Variants in TMEM132D observed in about 807,000 individuals in gnomAD.
TMEM132D encodes the protein transmembrane protein 132D, also known as mature OL transmembrane protein.
Under a neutral mutation model 62.3 loss-of-function variants are expected in TMEM132D, and 21 were observed. The observed-to-expected ratio is 0.34, with a 90% CI of 0.24 to 0.49. The LOEUF is 0.49. TMEM132D is among the 20% of genes least tolerant of loss of function. The pLI, the probability that TMEM132D is intolerant of heterozygous loss-of-function variation, is 0.99. For missense variants in TMEM132D, 1,346 were observed against 1,402.8 expected (o/e 0.96, Z 0.65); for synonymous variants, 621 against 575.6 (o/e 1.08, Z -1.13).
intron 1 of TMEM132D, among the ~76,000 whole-genome samples, chr12:129,784,577 A>G (rs1036900883): frequency 7.2e-5 from 11 of 152,184 alleles, no homozygotes; most frequent in Non-Finnish European, 1.6e-4. Context: ...TATAAAGCCT[A>G]TATAATTTCC....
intron 8 of TMEM132D, among the ~76,000 whole-genome samples, chr12:129,076,518 C>T (rs1303317868): frequency 6.6e-6 from 1 of 152,186 alleles, no homozygotes; most frequent in East Asian, 1.9e-4. Context: ...TGGCTGGTGG[C>T]CTCTGCTCTT....
chr12:129,280,218 C>T (rs1405760328), intron 4 of TMEM132D, among the ~76,000 whole-genome samples: 5 of 152,256 alleles, frequency 3.3e-5, no homozygotes, highest in Admixed American at 6.5e-5. Context: ...CCATGAGTGC[C>T]ATCTTGTTGA....
chr12:129,893,001 T>G lies in TMEM132D; in HGVS notation c.79+10260A>C, dbSNP rs181728679. Among the ~76,000 whole-genome samples, 280 of 152,234 alleles carry G rather than the reference T, an allele frequency of 1.8e-3. 2 individuals are homozygous for G. The highest frequency in any genetic ancestry group is 6.4e-3 in the African/African-American group (267 of 41,564). ...AAGTGATTCTCCTGCCTCAGCCTTCTGAGTAGCTGGCACTACAGGCACATG... is the reference window on the plus strand; with the variant it reads ...AAGTGATTCTCCTGCCTCAGCCTTCGGAGTAGCTGGCACTACAGGCACATG... On this transcript the variant is annotated intron_variant, in intron 1 of 8. Transcript: ENST00000422113.
intron 2 of TMEM132D, among the ~76,000 whole-genome samples, chr12:129,584,098 G>A (rs1405807974): frequency 6.6e-6 from 1 of 152,020 alleles, no homozygotes; most frequent in South Asian, 2.1e-4. Flanking sequence ...CTAATAAATA[G>A]TTGGTCACAA....
intron 1 of TMEM132D, among the ~76,000 whole-genome samples, chr12:129,755,893 C>T (rs1170991469): frequency 2.6e-5 from 4 of 152,196 alleles, no homozygotes; most frequent in Non-Finnish European, 4.4e-5. Flanking sequence ...CTATCTCCAA[C>T]ACACGTGGGG....
In TMEM132D at chr12:129,460,632, C is replaced by T. The variant is rs559753272; in HGVS notation, c.1115+70427G>A. Among the ~76,000 whole-genome samples the T allele has an allele frequency of 3.3e-5, 5 of 152,064 alleles. No homozygotes were observed. In the East Asian group the frequency reaches 7.7e-4, roughly 23 times the overall value. The stretch of plus-strand genomic sequence containing the variant: ...CTAACTGCATTGGGCATCCAGTTAG[C>T]GCTCAAAAAAATGTTAGCTCCTATT... On this transcript the variant is annotated intron_variant, in intron 3 of 8. Coordinates refer to ENST00000422113, the MANE Select transcript of TMEM132D (RefSeq NM_133448.3).
At position 129,102,360 on chromosome 12, in the gene TMEM132D, G is replaced by T. The variant is rs1002283369; in HGVS notation, c.1444-17658C>A. Among the ~76,000 whole-genome samples, 3 of 150,696 alleles carry T rather than the reference G, an allele frequency of 2.0e-5. No individual in the cohort carries two copies. The East Asian group carries it at 5.8e-4, about 29-fold the overall frequency. ...CACACACATGCATTCACATATGTACGCATGCACACAAGCACATGCAGACAC... is the reference window on the plus strand; with the variant it reads ...CACACACATGCATTCACATATGTACTCATGCACACAAGCACATGCAGACAC... On this transcript the variant is annotated intron_variant, in intron 5 of 8. Transcript: ENST00000422113.
chr12:129,434,787 C>T (rs1042203756), intron 3 of TMEM132D, among the ~76,000 whole-genome samples: 4 of 152,128 alleles, frequency 2.6e-5, no homozygotes, highest in African/African-American at 9.7e-5. Context: ...CCATATCCAT[C>T]ACCCCAAACA....
chr12:129,527,526 G>T (rs973170436), intron 3 of TMEM132D, among the ~76,000 whole-genome samples: 1 of 152,140 alleles, frequency 6.6e-6, no homozygotes, highest in African/African-American at 2.4e-5. Context: ...ATCAAGTCTT[G>T]CTGGAGAACT....
At chr12:129,092,795 C>T (rs1874973019) in intron 5 of TMEM132D, among the ~76,000 whole-genome samples, 2 of 152,192 alleles carry the variant, frequency 1.3e-5, no homozygotes, top group Admixed American at 6.5e-5. Context: ...ATGTCAATAA[C>T]TTCTTCCACT....
intron 1 of TMEM132D, among the ~76,000 whole-genome samples, chr12:129,768,111 T>C (rs980376616): frequency 6.6e-6 from 1 of 152,196 alleles, no homozygotes; most frequent in Non-Finnish European, 1.5e-5. Flanking sequence ...GTGGGAGCTA[T>C]AGTTCATGAA....
chr12:129,891,253 C>G (rs909957206), intron 1 of TMEM132D, among the ~76,000 whole-genome samples: 3 of 152,156 alleles, frequency 2.0e-5, no homozygotes, highest in Admixed American at 6.5e-5. Context: ...GGATGCAATT[C>G]TGGGTCCTCC....
intron 4 of TMEM132D, among the ~76,000 whole-genome samples, chr12:129,233,055 C>T (rs762924467): frequency 1.5e-4 from 23 of 152,190 alleles, no homozygotes; most frequent in Non-Finnish European, 3.2e-4. Flanking sequence ...TCAATCTCCA[C>T]CACAATGCCT....
At chr12:129,696,139 T>C (rs1029332131) in intron 2 of TMEM132D, among the ~76,000 whole-genome samples, 1 of 152,198 alleles carries the variant, frequency 6.6e-6, no homozygotes, top group Non-Finnish European at 1.5e-5. Flanking sequence ...TCGGCATATC[T>C]GGCTACCAAA....
chr12:129,198,954 G>A (rs1336043105), intron 5 of TMEM132D, among the ~76,000 whole-genome samples: 2 of 151,954 alleles, frequency 1.3e-5, no homozygotes, highest in African/African-American at 2.4e-5. Flanking sequence ...CAGAAAATAT[G>A]TGTTAAACTA....
At chr12:129,518,897 A>G (rs914248322) in intron 3 of TMEM132D, among the ~76,000 whole-genome samples, 4 of 152,212 alleles carry the variant, frequency 2.6e-5, no homozygotes, top group Non-Finnish European at 2.9e-5. Context: ...ATGTAGAAAC[A>G]AAAGGTTATT....
chr12:129,745,841 A>C (rs4405361), intron 1 of TMEM132D, among the ~76,000 whole-genome samples: 37,184 of 152,170 alleles, frequency 0.24, 5,356 homozygotes, highest in East Asian at 0.37. Context: ...GATGTAAACT[A>C]TTCGCCTGCG....
chr12:129,273,652 C>T (rs939105356), intron 4 of TMEM132D, among the ~76,000 whole-genome samples: 2 of 151,698 alleles, frequency 1.3e-5, no homozygotes, highest in African/African-American at 4.9e-5. Flanking sequence ...TATCCTAAGC[C>T]AATTAATGCA....
At chr12:129,535,257 C>T (rs1431900934) in intron 2 of TMEM132D, among the ~76,000 whole-genome samples, 1 of 152,226 alleles carries the variant, frequency 6.6e-6, no homozygotes, top group Non-Finnish European at 1.5e-5. Flanking sequence ...GCACTGCATG[C>T]CCAAATTCAC....
Sources: allele counts gnomAD v4.1 joint callset (sites outside exome capture counted in the v4.1 genomes callset), GRCh38; gene constraint gnomAD v4.1.1; transcripts MANE v1.5; gene names NCBI Gene and HGNC (gene_info 2026-07-23, HGNC 2026-07-21).